Variants in NLGN1 observed in about 807,000 individuals in gnomAD.
NLGN1 encodes the protein neuroligin-1.
A neutral mutation model predicts 65.5 loss-of-function variants in NLGN1; 12 were observed. The ratio of observed to expected loss-of-function variants is 0.18; its 90% CI spans 0.12 to 0.30. NLGN1 has a LOEUF of 0.30. NLGN1 is among the 10% of genes least tolerant of loss of function. The pLI is 1.00. For synonymous variants in NLGN1, 350 were observed against 359.5 expected (o/e 0.97, Z 0.30); for missense variants, 750 against 1,007.1 (o/e 0.74, Z 3.46).
At chr3:174,271,994 C>T (rs991491165) in intron 4 of NLGN1, among the ~76,000 whole-genome samples, 8 of 151,432 alleles carry the variant, frequency 5.3e-5, no homozygotes, top group Non-Finnish European at 8.9e-5. Flanking sequence ...GAAAAGAGTT[C>T]GCTTTATAGT....
At chr3:174,190,698 G>T (rs891082288) in intron 4 of NLGN1, among the ~76,000 whole-genome samples, 6 of 151,990 alleles carry the variant, frequency 3.9e-5, no homozygotes, top group African/African-American at 1.4e-4. Flanking sequence ...ATGTTTACAT[G>T]CAAGTGCTGC....
chr3:174,250,696 A>C (rs1045522132), intron 4 of NLGN1, among the ~76,000 whole-genome samples: 1 of 152,120 alleles, frequency 6.6e-6, no homozygotes, highest in African/African-American at 2.4e-5. Context: ...CTTGAAGCTG[A>C]GTTTGAGAAG....
chr3:173,462,377 CTT>C (rs1156834758), intron 2 of NLGN1, among the ~76,000 whole-genome samples: 2 of 152,052 alleles, frequency 1.3e-5, no homozygotes, highest in South Asian at 4.2e-4. Context: ...CCAAACCACT[CTT>C]TTCTTCACAA....
chr3:174,021,590 C>T (rs1008009815), intron 4 of NLGN1, among the ~76,000 whole-genome samples: 9 of 151,752 alleles, frequency 5.9e-5, no homozygotes, highest in East Asian at 1.9e-4. Context: ...GTAATAGAAA[C>T]GAAGAAAAGA....
chr3:173,590,165 A>G (rs944341625), intron 2 of NLGN1, among the ~76,000 whole-genome samples: 1 of 152,172 alleles, frequency 6.6e-6, no homozygotes, highest in South Asian at 2.1e-4. Flanking sequence ...ATAGTTAACT[A>G]TAGAGCTAAA....
intron 3 of NLGN1, 120 bp downstream of exon 3, chr3:173,605,713 C>A: frequency 2.3e-6 from 1 of 440,342 alleles, no homozygotes; most frequent in Admixed American, 2.8e-5. Flanking sequence ...TGTTTGGAAT[C>A]TGATGAAGGC....
At chr3:174,190,704 G>A (rs1302271991) in intron 4 of NLGN1, among the ~76,000 whole-genome samples, 1 of 152,040 alleles carries the variant, frequency 6.6e-6, no homozygotes, top group Non-Finnish European at 1.5e-5. Flanking sequence ...ACATGCAAGT[G>A]CTGCTTTGTA....
At chr3:174,239,418 ACTGTATTT>A (rs1409876660) in intron 4 of NLGN1, among the ~76,000 whole-genome samples, 7 of 152,124 alleles carry the variant, frequency 4.6e-5, no homozygotes, top group Non-Finnish European at 1.5e-5. Context: ...GCACGCTTGT[ACTGTATTT>A]CTCTTGGCCC....
rs1052213166 is a variant in NLGN1 at position 173,525,230 on chromosome 3, T to G, written c.-320-79049T>G. On this transcript the variant is annotated intron_variant, in intron 2 of 6. Coordinates refer to ENST00000457714, the Ensembl canonical transcript of NLGN1. ...AATCTGTCTGGTCCTGGGTGGGTTT[T>G]TTGTTGTTGTTGTTGTTGTTGTTGT... 1.5e-3 allele frequency among the ~76,000 whole-genome samples: 224 copies of G among 150,352 alleles called. 1 individual carries two copies. The highest frequency in any genetic ancestry group is 5.0e-3 in the African/African-American group (205 of 41,056).
intron 3 of NLGN1, among the ~76,000 whole-genome samples, chr3:173,768,223 A>C (rs973529688): frequency 2.0e-5 from 3 of 152,200 alleles, no homozygotes; most frequent in African/African-American, 4.8e-5. Flanking sequence ...GTTGAAAGAA[A>C]AGTAATTCAT....
intron 2 of NLGN1, among the ~76,000 whole-genome samples, chr3:173,501,983 G>T (rs1731206632): frequency 6.6e-6 from 1 of 152,080 alleles, no homozygotes; most frequent in Non-Finnish European, 1.5e-5. Context: ...TAAAGTACAT[G>T]ACAGATCCTT....
intron 4 of NLGN1, among the ~76,000 whole-genome samples, chr3:173,890,330 C>T (rs1386751990): frequency 1.3e-5 from 2 of 152,132 alleles, no homozygotes; most frequent in Non-Finnish European, 2.9e-5. Context: ...CACCCACACA[C>T]ACTTGTTTAG....
intron 3 of NLGN1, among the ~76,000 whole-genome samples, chr3:173,711,332 G>A (rs750714125): frequency 1.8e-4 from 28 of 152,158 alleles, no homozygotes; most frequent in Non-Finnish European, 2.8e-4. Context: ...CAGTGTGTAA[G>A]TTGTTTTCAG....
chr3:174,149,198 C>T (rs968582894), intron 4 of NLGN1, among the ~76,000 whole-genome samples: 5 of 152,106 alleles, frequency 3.3e-5, no homozygotes, highest in Non-Finnish European at 7.4e-5. Flanking sequence ...GCATTAAACC[C>T]ACCTTTGATG....
intron 4 of NLGN1, among the ~76,000 whole-genome samples, chr3:174,269,513 T>G (rs571121289): frequency 5.9e-5 from 9 of 152,058 alleles, no homozygotes; most frequent in African/African-American, 2.2e-4. Context: ...TGTAACAAGA[T>G]TTGCTTCTTT....
chr3:173,425,708 A>T (rs1397649722), intron 1 of NLGN1, among the ~76,000 whole-genome samples: 2 of 152,154 alleles, frequency 1.3e-5, no homozygotes, highest in Admixed American at 1.3e-4. Context: ...TTTTTATGCC[A>T]ATATCATGCT....
intron 4 of NLGN1, among the ~76,000 whole-genome samples, chr3:173,910,306 T>C (rs114324374): frequency 0.011 from 1,661 of 152,300 alleles, 31 homozygotes; most frequent in African/African-American, 0.037. Context: ...GTTGTTTATC[T>C]CTGTAGTATC....
At chr3:173,879,638 G>GTT (rs397877454) in intron 4 of NLGN1, among the ~76,000 whole-genome samples, 21,601 of 141,946 alleles carry the variant, frequency 0.15, 2,123 homozygotes, top group East Asian at 0.4. Context: ...TTTTCTGTGT[G>GTT]TTTTTTTTTT....
At chr3:173,919,988 T>TA (rs549837348) in intron 4 of NLGN1, among the ~76,000 whole-genome samples, 5 of 152,026 alleles carry the variant, frequency 3.3e-5, no homozygotes, top group Non-Finnish European at 7.4e-5. Context: ...TGCTATTTTT[T>TA]AAAAAAATAT....
Sources: allele counts gnomAD v4.1 joint callset (sites outside exome capture counted in the v4.1 genomes callset), GRCh38; gene constraint gnomAD v4.1.1; transcripts MANE v1.5; gene names NCBI Gene and HGNC (gene_info 2026-07-23, HGNC 2026-07-21).